Variants in ACOXL observed in about 807,000 individuals in gnomAD.
The protein encoded by ACOXL is acyl-CoA oxidase like.
ACOXL carries 70 observed loss-of-function variants against 71.9 expected under a neutral mutation model. The ratio of observed to expected loss-of-function variants is 0.97; its 90% confidence interval spans 0.80 to 1.19. The LOEUF is 1.19. Ranked by LOEUF, ACOXL falls within the 50% of genes most tolerant of loss-of-function variation. The pLI, the probability that ACOXL is intolerant of heterozygous loss-of-function variation, is 0.00. For synonymous variants in ACOXL, 253 were observed against 281.6 expected, an observed-to-expected ratio of 0.90 and a Z score of 1.02; for missense variants, 703 against 736.3, an observed-to-expected ratio of 0.95 and a Z score of 0.52.
intron 1 of ACOXL, among the ~76,000 whole-genome samples, chr2:110,756,663 T>C (rs958936417): frequency 7.9e-5 from 12 of 152,236 alleles, no homozygotes; most frequent in African/African-American, 9.6e-5. Flanking sequence ...TAATTTTCCT[T>C]TCCAGTTGGC....
intron 12 of ACOXL, among the ~76,000 whole-genome samples, chr2:110,943,152 G>A (rs2060946470): frequency 1.2e-5 from 1 of 85,280 alleles, no homozygotes. Context: ...GGAAGAAAGA[G>A]AAAGAAAAAG....
chr2:111,017,200 G>A (rs2064493509), intron 14 of ACOXL, among the ~76,000 whole-genome samples: 1 of 152,222 alleles, frequency 6.6e-6, no homozygotes, highest in South Asian at 2.1e-4. Context: ...TGGTATTGGG[G>A]TGTGCAGAAA....
At chr2:110,771,917 C>T (rs963352079) in intron 2 of ACOXL, among the ~76,000 whole-genome samples, 2 of 152,184 alleles carry the variant, frequency 1.3e-5, no homozygotes, top group African/African-American at 4.8e-5. Context: ...AGTGTCTTGT[C>T]CTGCATGGGG....
intron 16 of ACOXL, among the ~76,000 whole-genome samples, chr2:111,053,060 G>A (rs1457876124): frequency 6.6e-6 from 1 of 152,110 alleles, no homozygotes; most frequent in Admixed American, 6.5e-5. Context: ...ACCTTGAGCA[G>A]GTCACTTTTA....
chr2:111,074,133 T>TA (rs150874490), intron 16 of ACOXL, among the ~76,000 whole-genome samples: 8,865 of 151,904 alleles, frequency 0.058, 448 homozygotes, highest in African/African-American at 0.13. Flanking sequence ...CTAGAGGATT[T>TA]AGGGCATGTC....
At position 111,118,305 on chromosome 2, in the gene ACOXL, A is replaced by C. The variant is rs1319917619; in HGVS notation, c.*489A>C. On this transcript the variant is annotated 3_prime_UTR_variant, in exon 18 of 18. Coordinates refer to ENST00000439055, the MANE Select transcript of ACOXL (RefSeq NM_001142807.4). ...GCGGGAAAAAAGGTTTGGTTCAGCA[A>C]GTGATGCTATTTCAGTGAATCAGAC... 6.0e-6 allele frequency: 1 copy of C among 165,326 alleles called. No individual in the cohort carries two copies. Among genetic ancestry groups the C allele is most frequent in the African/African-American group, 2.4e-5 (1 of 41,570 alleles). The allele number at this position is 165,326 out of a possible 1,614,324, so 10.2% of individuals were successfully genotyped here.
intron 12 of ACOXL, chr2:110,968,619 A>G (rs918479182): frequency 5.4e-6 from 5 of 918,370 alleles, no homozygotes; most frequent in African/African-American, 3.3e-5. Context: ...GTTAAAAAGA[A>G]GAGGTGGAAC....
At position 110,857,897 on chromosome 2, in the gene ACOXL, T is replaced by C. The variant is rs189317689; in HGVS notation, c.788+16492T>C. 7.2e-5 allele frequency among the ~76,000 whole-genome samples: 11 copies of C among 152,256 alleles called. No individual in the cohort carries two copies. The South Asian group carries it at 8.3e-4, about 12-fold the overall frequency. ...TGTACCACCACGCCCAGCTCATTTT[T>C]GTATTTTTTGTAGAGACAGGATTTT... On this transcript the variant is annotated intron_variant, in intron 10 of 17. Coordinates refer to ENST00000439055, the MANE Select transcript of ACOXL (RefSeq NM_001142807.4).
intron 12 of ACOXL, chr2:110,968,570 CT>C: frequency 1.0e-6 from 1 of 969,682 alleles, no homozygotes; most frequent in Non-Finnish European, 1.6e-6. Context: ...GCTCATGCTG[CT>C]TATACATCAA....
At chr2:111,004,352 T>G (rs2063776297) in intron 14 of ACOXL, among the ~76,000 whole-genome samples, 1 of 152,178 alleles carries the variant, frequency 6.6e-6, no homozygotes, top group East Asian at 1.9e-4. Context: ...CATCTGCCCC[T>G]TACCCGGGAG....
intron 12 of ACOXL, among the ~76,000 whole-genome samples, chr2:110,972,923 A>G (rs775729201): frequency 1.3e-5 from 2 of 152,244 alleles, no homozygotes; most frequent in Non-Finnish European, 2.9e-5. Flanking sequence ...GCAGACTTTC[A>G]GAAGAAAGCA....
chr2:110,864,889 G>A (rs1038599098), intron 10 of ACOXL, among the ~76,000 whole-genome samples: 12 of 152,234 alleles, frequency 7.9e-5, no homozygotes, highest in African/African-American at 2.4e-4. Flanking sequence ...TCCCTGGAGC[G>A]TCCTGGCCAG....
At chr2:111,020,214 C>T (rs1386103423) in intron 14 of ACOXL, among the ~76,000 whole-genome samples, 3 of 152,230 alleles carry the variant, frequency 2.0e-5, no homozygotes, top group Non-Finnish European at 4.4e-5. Context: ...TCTCACCACC[C>T]ATCCGTGGGT....
intron 11 of ACOXL, among the ~76,000 whole-genome samples, chr2:110,927,170 C>A (rs2060303145): frequency 6.6e-6 from 1 of 152,136 alleles, no homozygotes; most frequent in Non-Finnish European, 1.5e-5. Context: ...GTGCCACACA[C>A]TTTCAACCAA....
intron 9 of ACOXL, among the ~76,000 whole-genome samples, chr2:110,806,027 G>A (rs1268134839): frequency 6.6e-6 from 1 of 152,226 alleles, no homozygotes; most frequent in Non-Finnish European, 1.5e-5. Flanking sequence ...ACTGAGCTTG[G>A]TGAAGCTAGA....
intron 16 of ACOXL, among the ~76,000 whole-genome samples, chr2:111,081,754 A>T (rs192658773): frequency 6.6e-6 from 1 of 152,166 alleles, no homozygotes; most frequent in East Asian, 1.9e-4. Context: ...GAGGCATCAC[A>T]CTACCTGACT....
intron 12 of ACOXL, among the ~76,000 whole-genome samples, chr2:110,971,481 G>T (rs905185644): frequency 3.3e-5 from 5 of 152,132 alleles, no homozygotes; most frequent in Non-Finnish European, 4.4e-5. Context: ...TCATGCAAAT[G>T]CTACATTTAA....
chr2:110,898,704 A>G (rs949748325), intron 10 of ACOXL, among the ~76,000 whole-genome samples: 4 of 152,206 alleles, frequency 2.6e-5, no homozygotes, highest in Admixed American at 2.0e-4. Context: ...TGCTCTTGCT[A>G]CTGCTATTCA....
chr2:110,998,765 C>T (rs1205250898), intron 14 of ACOXL, among the ~76,000 whole-genome samples: 1 of 152,152 alleles, frequency 6.6e-6, no homozygotes, highest in Non-Finnish European at 1.5e-5. Flanking sequence ...TAAATCCCTC[C>T]AGCTCCCACC....
Sources: allele counts gnomAD v4.1 joint callset (sites outside exome capture counted in the v4.1 genomes callset), GRCh38; gene constraint gnomAD v4.1.1; transcripts MANE v1.5; gene names NCBI Gene and HGNC (gene_info 2026-07-23, HGNC 2026-07-21).